The following CACNB2 variants were observed in gnomAD, a reference collection of about 807,000 sequenced individuals.
CACNB2 encodes calcium voltage-gated channel auxiliary subunit beta 2.
Under a neutral mutation model 73.3 loss-of-function variants are expected in CACNB2, and 42 were observed. That is an observed-to-expected ratio of 0.57 (90% CI 0.45 to 0.74). CACNB2 has a LOEUF of 0.74. Ranked by LOEUF, CACNB2 falls within the 30% of genes least tolerant of loss-of-function variation. The pLI, the probability that CACNB2 is intolerant of heterozygous loss-of-function variation, is 0.00. For synonymous variants in CACNB2, 348 were observed against 310.3 expected, an observed-to-expected ratio of 1.12 and a Z score of -1.28; for missense variants, 940 against 853.0, an observed-to-expected ratio of 1.10 and a Z score of -1.27.
In CACNB2 at chr10:18,500,760, A is replaced by G; in HGVS notation, c.457-52A>G. ...CGACTGAAAATAGTGTGGAAGAACA[A>G]GGATTTGACCTTCTGTGCACTGATT... On this transcript the variant is annotated intron_variant, in intron 4 of 13. Transcript: ENST00000324631. The G allele has an allele frequency of 5.1e-6, 8 of 1,575,020 alleles. No homozygotes were observed. In the South Asian group the frequency reaches 8.8e-5, roughly 17 times the overall value.
chr10:18,216,576 T>C (rs536848628), intron 2 of CACNB2, among the ~76,000 whole-genome samples: 1 of 133,966 alleles, frequency 7.5e-6, no homozygotes, highest in Admixed American at 8.3e-5. Context: ...TTATAGACAC[T>C]TAGTTTTTGT....
chr10:18,536,950 A>G (rs1028162685), intron 12 of CACNB2, among the ~76,000 whole-genome samples: 2 of 152,196 alleles, frequency 1.3e-5, no homozygotes, highest in Admixed American at 1.3e-4. Context: ...CTTGTCGTCT[A>G]TGCTTTACAT....
chr10:18,493,690 C>T (rs1345647889), intron 3 of CACNB2, among the ~76,000 whole-genome samples: 1 of 152,126 alleles, frequency 6.6e-6, no homozygotes, highest in East Asian at 1.9e-4. Context: ...AGGCCACTCA[C>T]CTAATAAATG....
intron 2 of CACNB2, among the ~76,000 whole-genome samples, chr10:18,247,563 A>C (rs559189614): frequency 1.9e-4 from 29 of 152,212 alleles, no homozygotes; most frequent in Non-Finnish European, 3.2e-4. Flanking sequence ...TCTTAAAAAA[A>C]AAATCATACT....
chr10:18,368,592 G>A (rs1325994), intron 2 of CACNB2, among the ~76,000 whole-genome samples: 83,338 of 151,918 alleles, frequency 0.55, 23,453 homozygotes, highest in East Asian at 0.95. Flanking sequence ...AACATTTTAG[G>A]GAAAGCATTC....
intron 2 of CACNB2, among the ~76,000 whole-genome samples, chr10:18,208,809 G>A (rs1028086016): frequency 7.4e-5 from 11 of 149,284 alleles, no homozygotes; most frequent in South Asian, 2.1e-4. Flanking sequence ...AGGGCTGAGC[G>A]GTAGAAGATA....
chr10:18,317,025 A>T (rs1046848222), intron 2 of CACNB2, among the ~76,000 whole-genome samples: 2 of 152,112 alleles, frequency 1.3e-5, no homozygotes, highest in African/African-American at 4.8e-5. Flanking sequence ...CACCTTCACA[A>T]TCCAGCAAGA....
chr10:18,455,788 C>A (rs2047248107), intron 3 of CACNB2, among the ~76,000 whole-genome samples: 2 of 152,174 alleles, frequency 1.3e-5, no homozygotes, highest in South Asian at 4.1e-4. Flanking sequence ...ATAAGAAGGT[C>A]ATAACCCAGC....
intron 2 of CACNB2, among the ~76,000 whole-genome samples, chr10:18,271,367 G>T (rs923884185): frequency 6.6e-6 from 1 of 152,112 alleles, no homozygotes; most frequent in Non-Finnish European, 1.5e-5. Flanking sequence ...TTGAAAGCAC[G>T]AAATTGACTA....
At chr10:18,405,904 G>A (rs1014465521) in intron 3 of CACNB2, among the ~76,000 whole-genome samples, 6 of 152,198 alleles carry the variant, frequency 3.9e-5, no homozygotes, top group Admixed American at 3.9e-4. Context: ...GTTGCAGTGA[G>A]CTGAGATCTC....
intron 3 of CACNB2, among the ~76,000 whole-genome samples, chr10:18,447,645 G>T (rs1232116926): frequency 2.0e-5 from 3 of 151,908 alleles, no homozygotes; most frequent in African/African-American, 7.3e-5. Flanking sequence ...ATGATCACTG[G>T]CTTTGGAAAG....
At chr10:18,394,372 T>C (rs904161092) in intron 2 of CACNB2, among the ~76,000 whole-genome samples, 1 of 152,154 alleles carries the variant, frequency 6.6e-6, no homozygotes, top group Non-Finnish European at 1.5e-5. Context: ...TCGTTAGAAA[T>C]GGCTATACCT....
chr10:18,375,276 T>A (rs559988077), intron 2 of CACNB2, among the ~76,000 whole-genome samples: 1 of 152,294 alleles, frequency 6.6e-6, no homozygotes, highest in Non-Finnish European at 1.5e-5. Context: ...TTTTGTCCTA[T>A]GACTTCTCCC....
chr10:18,480,465 C>T (rs2048666303), intron 3 of CACNB2, among the ~76,000 whole-genome samples: 1 of 152,160 alleles, frequency 6.6e-6, no homozygotes, highest in South Asian at 2.1e-4. Flanking sequence ...GATGTTGTTA[C>T]TAGTCCAACG....
chr10:18,420,314 T>TAC (rs56183878), intron 3 of CACNB2, among the ~76,000 whole-genome samples: 30 of 136,034 alleles, frequency 2.2e-4, no homozygotes, highest in Middle Eastern at 4.1e-3. Context: ...TAAACACACA[T>TAC]ACACACACAC....
At chr10:18,530,183 G>C (rs1353176652) in intron 10 of CACNB2, among the ~76,000 whole-genome samples, 1 of 152,064 alleles carries the variant, frequency 6.6e-6, no homozygotes, top group Non-Finnish European at 1.5e-5. Flanking sequence ...GATTTCGGTG[G>C]GCACAGCCAA....
At chr10:18,529,779 G>A (rs2052814585) in intron 10 of CACNB2, among the ~76,000 whole-genome samples, 1 of 152,192 alleles carries the variant, frequency 6.6e-6, no homozygotes, top group Non-Finnish European at 1.5e-5. Flanking sequence ...GTGATCATGT[G>A]TTTCGCTTAT....
intron 2 of CACNB2, among the ~76,000 whole-genome samples, chr10:18,324,151 C>A (rs1589042642): frequency 6.6e-6 from 1 of 152,098 alleles, no homozygotes; most frequent in African/African-American, 2.4e-5. Context: ...TAATTAGGTA[C>A]CATCTATGTG....
intron 3 of CACNB2, among the ~76,000 whole-genome samples, chr10:18,456,908 G>C (rs1029906806): frequency 2.0e-5 from 3 of 152,076 alleles, no homozygotes; most frequent in African/African-American, 7.2e-5. Context: ...TGGACATTCG[G>C]GTTGCTTCCA....
Sources: allele counts gnomAD v4.1 joint callset (sites outside exome capture counted in the v4.1 genomes callset), GRCh38; gene constraint gnomAD v4.1.1; transcripts MANE v1.5; gene names NCBI Gene and HGNC (gene_info 2026-07-23, HGNC 2026-07-21).